The following MMP19 variants were observed in gnomAD, a reference collection of about 807,000 sequenced individuals.
MMP19 encodes the protein matrix metallopeptidase 19.
Under a neutral mutation model 46.6 loss-of-function variants are expected in MMP19, and 47 were observed. The observed-to-expected ratio is 1.01, with a 90% CI of 0.80 to 1.29. MMP19 has a LOEUF of 1.29. MMP19 is among the 50% of genes most tolerant of loss of function. The pLI is 0.00. For missense variants in MMP19, 589 were observed against 643.5 expected (o/e 0.92, Z 0.92); for synonymous variants, 222 against 248.5 (o/e 0.89, Z 1.00).
intron 2 of MMP19, 28 bp from the exon 3 acceptor site, chr12:55,841,264 C>G: frequency 6.2e-7 from 1 of 1,601,570 alleles, no homozygotes; most frequent in Non-Finnish European, 8.5e-7. Context: ...ATGGGTCTAC[C>G]AGGACAGGAA....
chr12:55,839,660 T>C lies in MMP19; in HGVS notation c.602A>G (p.Tyr201Cys). 6.2e-7 allele frequency: 1 copy of C among 1,614,232 alleles called. No individual in the cohort carries two copies. The highest frequency in any genetic ancestry group is 8.5e-7 in the Non-Finnish European group (1 of 1,180,038). The change falls in exon 5 of 9, where the codon TAC (tyrosine) becomes TGC (cysteine). Residue 201 changes from tyrosine (Y) to cysteine (C), a missense_variant. By Grantham distance (194) the Tyr-to-Cys change is radical (BLOSUM62 -2). Coordinates refer to ENST00000322569, the MANE Select transcript of MMP19 (RefSeq NM_002429.6). ...DEDEFWTEGT[Y>C]RGVNLRIIAA... ...AATGATGCGCAGGTTCACCCCACGG[T>C]AGGTCCCCTCAGTCCAGAACTCGTC...
intron 5 of MMP19, 76 bp downstream of exon 5, chr12:55,839,420 G>A: frequency 6.7e-7 from 1 of 1,497,012 alleles, no homozygotes; most frequent in South Asian, 1.3e-5. Context: ...TCCCTACATG[G>A]AGGCTAGACC....
At chr12:55,841,514 C>CCTTA (rs757212536) in intron 2 of MMP19, 1 of 74,968 alleles carries the variant, frequency 1.3e-5, no homozygotes. Context: ...CTGCAATCTT[C>CCTTA]CTTCCTTCCT....
rs867427576 is a variant in MMP19, at chr12:55,841,558, T to C, written c.174-322A>G. ...TCCTTCCTTCCTTCCTTCCTTCCTTTCTTTTTCTTCTCTCTTTCTTTCTTC... is the reference window on the plus strand; with the variant it reads ...TCCTTCCTTCCTTCCTTCCTTCCTTCCTTTTTCTTCTCTCTTTCTTTCTTC... On this transcript the variant is annotated intron_variant, in intron 2 of 8. Coordinates refer to ENST00000322569, the MANE Select transcript of MMP19 (RefSeq NM_002429.6). The C allele has an allele frequency of 7.7e-3, 1,460 of 189,474 alleles. 7 individuals are homozygous for C. The highest frequency in any genetic ancestry group is 0.011 in the Non-Finnish European group (1,091 of 100,280). The allele number at this position is 189,474 out of a possible 1,614,324, so 11.7% of individuals were successfully genotyped here. A position where few individuals can be genotyped will look rare whatever the true frequency, so the allele number is the denominator to read the frequency against.
chr12:55,840,633 G>C (rs774290070), intron 4 of MMP19, 34 bp downstream of exon 4: 2 of 1,583,792 alleles, frequency 1.3e-6, no homozygotes, highest in Non-Finnish European at 1.7e-6. Flanking sequence ...AATCTCAGAG[G>C]TCTATGAGGT....
At position 55,836,862 on chromosome 12, in the gene MMP19, G is replaced by A; in HGVS notation, c.*174C>T. 1 of 570,654 alleles carries A rather than the reference G, an allele frequency of 1.8e-6. No homozygotes were observed. The highest frequency in any genetic ancestry group is 3.0e-5 in the East Asian group (1 of 33,258). The allele number at this position is 570,654 out of a possible 1,614,324, so 35.3% of individuals were successfully genotyped here. On this transcript the variant is annotated 3_prime_UTR_variant, in exon 9 of 9. Coordinates refer to ENST00000322569, the MANE Select transcript of MMP19 (RefSeq NM_002429.6). ...AGGAAAGTGGTGGCTGGAGTTGGAA[G>A]TGTTAGAGGCCTGAGATCTACGGTC...
chr12:55,837,323 A>G lies in MMP19; in HGVS notation c.1240T>C (p.Tyr414His). The change falls in exon 9 of 9, where the codon TAC becomes CAC. Residue 414 changes from tyrosine to histidine, a missense_variant. Transcript: ENST00000322569. ...DELARTDFSS[Y>H]PKPIKGLFTG... ...AACAAACCCTTGATTGGTTTGGGGT[A>G]GCTGCTGAAGTCAGTTCGGGCTAGC... 1 of 1,611,898 alleles carries G rather than the reference A, an allele frequency of 6.2e-7. No individual in the cohort carries two copies. The highest frequency in any genetic ancestry group is 1.1e-5 in the South Asian group (1 of 91,044).
At position 55,836,084 on chromosome 12, in the gene MMP19, C is replaced by G. The variant is rs1422301334; in HGVS notation, c.*952G>C. 6.6e-6 allele frequency: 1 copy of G among 152,270 alleles called. No individual in the cohort carries two copies. The highest frequency in any genetic ancestry group is 1.5e-5 in the Non-Finnish European group (1 of 68,080). 9.4% of individuals were successfully genotyped at this position (152,270 alleles called of 1,614,324 possible). A position where few individuals can be genotyped will look rare whatever the true frequency, so the allele number is the denominator to read the frequency against. On this transcript the variant is annotated 3_prime_UTR_variant, in exon 9 of 9. Coordinates refer to ENST00000322569, the MANE Select transcript of MMP19 (RefSeq NM_002429.6). ...CTTAACCAGAACTTTGTTCCAGCCA[C>G]TGACCCATTCTAACTCTTCCCCCTC...
At chr12:55,842,473 G>C (rs901995629) in intron 1 of MMP19, 35 bp from the exon 2 acceptor site, 1 of 1,507,294 alleles carries the variant, frequency 6.6e-7, no homozygotes, top group African/African-American at 1.4e-5. Flanking sequence ...GGTTAAAAGG[G>C]GGTTAGTCTC....
In MMP19 at chr12:55,837,232, T is replaced by C. The variant is rs1187864692; in HGVS notation, c.1331A>G (p.Lys444Arg). 4 of 1,614,216 alleles carry C rather than the reference T, an allele frequency of 2.5e-6. No homozygotes were observed. The South Asian group carries it at 3.3e-5, about 13-fold the overall frequency. The change falls in exon 9 of 9, where the codon AAG becomes AGG. Residue 444 changes from lysine (K) to arginine (R), a missense_variant. Lys to Arg is a conservative substitution (Grantham distance 26). Coordinates refer to ENST00000322569, the MANE Select transcript of MMP19 (RefSeq NM_002429.6). ...SWQDGRVYFFKGKVYWRLNQQ... is the reference protein window; with the variant it reads ...SWQDGRVYFFRGKVYWRLNQQ... ...GTTGAGGCGCCAGTAGACTTTGCCC[T>C]TGAAGAAGTAGACTCGGCCATCTTG...
Position 55,839,707 on chromosome 12 carries a change from C to G in MMP19, c.555G>C (p.Leu185=). Residue 185 remains leucine (L), a synonymous_variant, in exon 5 of 9, where the codon CTG becomes CTC. Transcript: ENST00000322569. ...CGTCTTCGTCGAAGTGCACACTGCCCAGCTCTGGGATGTCGGCATGGGCCA... is the reference window on the plus strand; with the variant it reads ...CGTCTTCGTCGAAGTGCACACTGCCGAGCTCTGGGATGTCGGCATGGGCCA... ...RVLAHADIPE[L]GSVHFDEDEF... The G allele has an allele frequency of 1.9e-6, 3 of 1,613,838 alleles. No individual in the cohort carries two copies. The highest frequency in any genetic ancestry group is 2.5e-6 in the Non-Finnish European group (3 of 1,179,890).
rs150724096 is a variant in MMP19 at position 55,837,196 on chromosome 12, C to T, written c.1367G>A (p.Arg456Gln). 8,183 of 1,614,180 alleles carry T rather than the reference C, an allele frequency of 5.1e-3. 28 individuals are homozygous for T. The highest frequency in any genetic ancestry group is 6.0e-3 in the Non-Finnish European group (7,095 of 1,180,030). ...KVYWRLNQQLRVEKGYPRNIS... is the reference protein window; with the variant it reads ...KVYWRLNQQLQVEKGYPRNIS... ...ATTTCTGGGATAGCCTTTCTCTACT[C>T]GAAGCTGCTGGTTGAGGCGCCAGTA... Residue 456 changes from arginine to glutamine, a missense_variant, in exon 9 of 9, where the codon CGA (arginine) becomes CAA (glutamine). Physicochemically the swap from Arg to Gln is conservative, Grantham distance 43 (BLOSUM62 1). Transcript: ENST00000322569.
At chr12:55,840,582 A>G (rs868044017) in intron 4 of MMP19, 85 bp downstream of exon 4, 2 of 1,370,256 alleles carry the variant, frequency 1.5e-6, no homozygotes, top group Middle Eastern at 2.0e-4. Context: ...AGCAGCCCAA[A>G]CATCAAGGTT....
rs747586941 is a variant in MMP19, at chr12:55,837,842, C to G, written c.1060+1G>C. 6.2e-7 allele frequency: 1 copy of G among 1,603,320 alleles called. No individual in the cohort carries two copies. Among genetic ancestry groups the G allele is most frequent in the South Asian group, 1.1e-5 (1 of 90,624 alleles). On this transcript the variant is annotated splice_donor_variant, in intron 7 of 8. Transcript: ENST00000322569. LOFTEE classifies it high-confidence loss of function. The stretch of plus-strand genomic sequence containing the variant: ...TAAGACACTGTAACTAGCCTCCTTA[C>G]CCTTAAAGAAGTGAATCCATTGTGT...
chr12:55,838,789 C>T, intron 5 of MMP19, 55 bp from the exon 6 acceptor site: 2 of 1,429,488 alleles, frequency 1.4e-6, no homozygotes, highest in Non-Finnish European at 1.9e-6. Context: ...CTGTCCTCCA[C>T]ACCAGTCTCC....
Position 55,841,566 on chromosome 12 carries a change from TTCTC to T in MMP19, c.174-334_174-331del, listed in dbSNP as rs200985585. On this transcript the variant is annotated intron_variant, in intron 2 of 8. Coordinates refer to ENST00000322569, the MANE Select transcript of MMP19 (RefSeq NM_002429.6). ...TCCTTCCTTCCTTCCTTTCTTTTTCTTCTCTCTTTCTTTCTTCCTTTCTTTCTTT... is the reference window on the plus strand; with the variant it reads ...TCCTTCCTTCCTTCCTTTCTTTTTCTTCTTTCTTTCTTCCTTTCTTTCTTT... Among the ~76,000 whole-genome samples, 1,128 of 147,454 alleles carry T rather than the reference TTCTC, an allele frequency of 7.6e-3. 10 individuals carry two copies. The highest frequency in any genetic ancestry group is 9.9e-3 in the Non-Finnish European group (666 of 67,228).
chr12:55,839,529 G>A lies in MMP19; in HGVS notation c.733C>T (p.Pro245Ser), dbSNP rs1056784. The change falls in exon 5 of 9, where the codon CCA (proline) becomes TCA (serine). Residue 245 changes from proline (P) to serine (S), a missense_variant. Transcript: ENST00000322569. ...EGYRPHFKLH[P>S]DDVAGIQALY... The stretch of plus-strand genomic sequence containing the variant: ...GCCTGGATCCCTGCCACATCATCTG[G>A]GTGCAGCTTAAAGTGGGGCCGGTAG... 0.013 allele frequency: 20,647 copies of A among 1,612,574 alleles called. 183 individuals are homozygous for A. Among genetic ancestry groups the A allele is most frequent in the Admixed American group, 0.019 (1,143 of 59,992 alleles).
chr12:55,842,644 A>G, intron 1 of MMP19, 100 bp downstream of exon 1: 1 of 1,014,116 alleles, frequency 9.9e-7, no homozygotes, highest in Non-Finnish European at 1.5e-6. Context: ...AGCAAGGGAA[A>G]GGCAGGCAGG....
At position 55,837,551 on chromosome 12, in the gene MMP19, A is replaced by G. The variant is rs144832031; in HGVS notation, c.1188+4T>C. ...GGGATTTGCCCTTGCTTTGAACTTTATACCTTAAAGAGGAACACCTTTTGG... is the reference window on the plus strand; with the variant it reads ...GGGATTTGCCCTTGCTTTGAACTTTGTACCTTAAAGAGGAACACCTTTTGG... On this transcript the variant is annotated splice_donor_region_variant and intron_variant, in intron 8 of 8. Transcript: ENST00000322569. The G allele has an allele frequency of 1.2e-5, 19 of 1,614,160 alleles. No homozygotes were observed. In the East Asian group the frequency reaches 2.0e-4, roughly 17 times the overall value.
Sources: gnomAD v4.1 joint callset for allele counts (sites outside exome capture counted in the v4.1 genomes callset) on GRCh38, gnomAD v4.1.1 for gene constraint, MANE v1.5 for transcripts, NCBI Gene and HGNC (gene_info 2026-07-23, HGNC 2026-07-21) for gene names.